Variants in MAPK10 observed in about 807,000 individuals in gnomAD.
MAPK10 encodes JNK3 alpha protein kinase.
MAPK10 carries 25 observed loss-of-function variants against 59.3 expected under a neutral mutation model. The observed-to-expected ratio is 0.42, with a 90% CI of 0.31 to 0.59. MAPK10 has a LOEUF of 0.59. Among genes scored for constraint, MAPK10 ranks in the 20% least tolerant of loss-of-function variants. The pLI, the probability that MAPK10 is intolerant of heterozygous loss-of-function variation, is 0.15. For synonymous variants in MAPK10, 190 were observed against 200.5 expected (o/e 0.95, Z 0.44); for missense variants, 351 against 568.9 (o/e 0.62, Z 3.90).
intron 2 of MAPK10, among the ~76,000 whole-genome samples, chr4:86,333,272 G>A (rs2096198963): frequency 6.6e-6 from 1 of 152,140 alleles, no homozygotes; most frequent in African/African-American, 2.4e-5. Context: ...AGTTCTGATA[G>A]GCATCAAACC....
intron 2 of MAPK10, among the ~76,000 whole-genome samples, chr4:86,250,546 A>G (rs919167738): frequency 6.6e-6 from 1 of 152,192 alleles, no homozygotes; most frequent in Admixed American, 6.5e-5. Flanking sequence ...GGCAACATCT[A>G]TCCAACTTTG....
chr4:86,238,754 G>C (rs1034939974), intron 2 of MAPK10, among the ~76,000 whole-genome samples: 10 of 152,136 alleles, frequency 6.6e-5, no homozygotes, highest in African/African-American at 2.4e-4. Context: ...GGGCTGAGAT[G>C]ATGGGATTTT....
intron 9 of MAPK10, among the ~76,000 whole-genome samples, chr4:86,077,262 A>T (rs745471216): frequency 1.6e-4 from 25 of 152,100 alleles, no homozygotes; most frequent in Non-Finnish European, 3.4e-4. Context: ...AAGATTGAAA[A>T]TTTTTCCAAT....
chr4:86,039,254 G>A (rs572239516), intron 11 of MAPK10, among the ~76,000 whole-genome samples: 7 of 152,174 alleles, frequency 4.6e-5, no homozygotes, highest in South Asian at 2.1e-4. Flanking sequence ...GGTATAGCAC[G>A]GAAACAAGAA....
Position 86,091,879 on chromosome 4 carries a change from G to A in MAPK10, c.802+6645C>T, listed in dbSNP as rs185442454. Among the ~76,000 whole-genome samples the A allele has an allele frequency of 2.2e-3, 334 of 151,976 alleles. 1 individual carries two copies. The highest frequency in any genetic ancestry group is 4.3e-3 in the Admixed American group (65 of 15,254). On this transcript the variant is annotated intron_variant, in intron 9 of 13. Transcript: ENST00000641462. ...AGTAGAGGTGGGGTTTCACCATGTT[G>A]GCCAGGATGGTCTTGATCTCCTGAC...
intron 4 of MAPK10, among the ~76,000 whole-genome samples, chr4:86,158,296 G>T (rs1158026120): frequency 1.3e-5 from 2 of 151,758 alleles, no homozygotes; most frequent in Admixed American, 6.6e-5. Flanking sequence ...AACCCAGCCT[G>T]CCACCATCTT....
intron 3 of MAPK10, among the ~76,000 whole-genome samples, chr4:86,175,285 G>C (rs2075419520): frequency 6.6e-6 from 1 of 152,106 alleles, no homozygotes; most frequent in Admixed American, 6.5e-5. Context: ...TTAGAAAAGA[G>C]AATTAGAGTT....
At chr4:86,451,353 G>T (rs1024066229) in intron 1 of MAPK10, among the ~76,000 whole-genome samples, 2 of 152,080 alleles carry the variant, frequency 1.3e-5, no homozygotes, top group African/African-American at 4.8e-5. Flanking sequence ...ATATATTCTG[G>T]TGATGAGGTA....
chr4:86,090,087 GA>G (rs1302272408), intron 9 of MAPK10, among the ~76,000 whole-genome samples: 1 of 152,118 alleles, frequency 6.6e-6, no homozygotes, highest in Non-Finnish European at 1.5e-5. Flanking sequence ...AGCCAGGGCA[GA>G]GCGCACAGAG....
intron 2 of MAPK10, among the ~76,000 whole-genome samples, chr4:86,281,658 C>A (rs2094812865): frequency 1.3e-5 from 2 of 151,988 alleles, no homozygotes; most frequent in South Asian, 2.1e-4. Context: ...AGACAATAAG[C>A]TAAAGGGAAA....
chr4:86,472,278 T>C (rs1752719375), intron 1 of MAPK10, among the ~76,000 whole-genome samples: 1 of 152,208 alleles, frequency 6.6e-6, no homozygotes, highest in East Asian at 1.9e-4. Flanking sequence ...GTTTTTAAAC[T>C]AGTAAGAGCA....
At chr4:86,210,665 C>A (rs965878140) in intron 2 of MAPK10, among the ~76,000 whole-genome samples, 1 of 151,020 alleles carries the variant, frequency 6.6e-6, no homozygotes, top group Non-Finnish European at 1.5e-5. Flanking sequence ...AAAGGAATAA[C>A]GTTGTTTTCA....
intron 1 of MAPK10, among the ~76,000 whole-genome samples, chr4:86,473,347 A>G (rs1350677504): frequency 6.6e-6 from 1 of 152,214 alleles, no homozygotes; most frequent in African/African-American, 2.4e-5. Context: ...GAATTTTCAA[A>G]AAGAGGAAAT....
Position 86,282,221 on chromosome 4 carries a change from A to G in MAPK10, c.-7+72309T>C, listed in dbSNP as rs546447516. Among the ~76,000 whole-genome samples the G allele has an allele frequency of 1.1e-4, 17 of 152,292 alleles. No homozygotes were observed. In the South Asian group the frequency reaches 3.5e-3, roughly 32 times the overall value. On this transcript the variant is annotated intron_variant, in intron 2 of 13. Transcript: ENST00000641462. ...AGAAACTACAAAACAATATTCAAATAGTGAATCATTTGAATGCACAAGCAG... is the reference window on the plus strand; with the variant it reads ...AGAAACTACAAAACAATATTCAAATGGTGAATCATTTGAATGCACAAGCAG...
intron 4 of MAPK10, among the ~76,000 whole-genome samples, chr4:86,138,967 AT>A (rs1434115566): frequency 7.0e-6 from 1 of 141,880 alleles, no homozygotes; most frequent in Admixed American, 7.4e-5. Context: ...TAGGAATCCA[AT>A]TTACAAGGGA....
intron 2 of MAPK10, among the ~76,000 whole-genome samples, chr4:86,350,762 G>C (rs540654069): frequency 3.7e-4 from 56 of 152,276 alleles, no homozygotes; most frequent in African/African-American, 1.3e-3. Context: ...CAAATAACAA[G>C]TCTGGTGGCT....
intron 9 of MAPK10, among the ~76,000 whole-genome samples, chr4:86,077,546 G>A (rs1026463562): frequency 6.6e-6 from 1 of 152,102 alleles, no homozygotes; most frequent in African/African-American, 2.4e-5. Flanking sequence ...TCATCCAATT[G>A]TTTCCTTTGA....
intron 1 of MAPK10, among the ~76,000 whole-genome samples, chr4:86,531,841 T>C (rs1398817014): frequency 2.0e-5 from 3 of 151,816 alleles, no homozygotes; most frequent in Non-Finnish European, 4.4e-5. Flanking sequence ...CAGTAGGAAA[T>C]GGTGACAGGA....
intron 4 of MAPK10, among the ~76,000 whole-genome samples, chr4:86,108,231 T>C (rs1386276770): frequency 3.3e-5 from 5 of 152,012 alleles, no homozygotes. Flanking sequence ...TATCTAAATA[T>C]TTGGTGCTAT....
Sources: allele counts gnomAD v4.1 joint callset (sites outside exome capture counted in the v4.1 genomes callset), GRCh38; gene constraint gnomAD v4.1.1; transcripts MANE v1.5; gene names NCBI Gene and HGNC (gene_info 2026-07-23, HGNC 2026-07-21).